KIAA0232: variants seen among roughly 807,000 people sequenced by gnomAD.
The protein encoded by KIAA0232 is uncharacterized protein KIAA0232.
KIAA0232 carries 27 observed loss-of-function variants against 122.0 expected under a neutral mutation model. That is an observed-to-expected ratio of 0.22 (90% CI 0.16 to 0.31). The LOEUF (loss-of-function observed/expected upper bound fraction) is 0.31. Ranked by LOEUF, KIAA0232 falls within the 10% of genes least tolerant of loss-of-function variation. The probability of loss-of-function intolerance (pLI) is 1.00; values close to 1 mark genes in which losing one functional copy is unlikely to be tolerated. For synonymous variants in KIAA0232, 613 were observed against 587.6 expected (o/e 1.04, Z -0.63); for missense variants, 1,551 against 1,634.2 (o/e 0.95, Z 0.88).
Position 6,817,111 on chromosome 4 carries a change from C to G in KIAA0232, c.-269-7074C>G, listed in dbSNP as rs182993473. ...TTAGGCTTCGTTTGCTCTTCTTTGT[C>G]TAGTTTCTTAAGGTGAAAACTGAGA... On this transcript the variant is annotated intron_variant, in intron 2 of 9. Coordinates refer to ENST00000307659, the MANE Select transcript of KIAA0232 (RefSeq NM_014743.3). 1.4e-3 allele frequency among the ~76,000 whole-genome samples: 216 copies of G among 152,190 alleles called. 2 individuals carry two copies. The highest frequency in any genetic ancestry group is 0.01 in the Middle Eastern group (3 of 294).
intron 3 of KIAA0232, among the ~76,000 whole-genome samples, chr4:6,830,415 T>C (rs1718908394): frequency 6.8e-6 from 1 of 147,346 alleles, no homozygotes; most frequent in South Asian, 2.2e-4. Context: ...TTTTTTTTTT[T>C]TTTTTTTTTT....
chr4:6,870,482 C>T (rs141939686), intron 7 of KIAA0232, among the ~76,000 whole-genome samples: 49 of 152,334 alleles, frequency 3.2e-4, no homozygotes, highest in Non-Finnish European at 5.1e-4. Context: ...AATTTTAAGA[C>T]ACTTAGGTCA....
chr4:6,797,433 A>G (rs1210803994), intron 1 of KIAA0232, among the ~76,000 whole-genome samples: 2 of 152,208 alleles, frequency 1.3e-5, no homozygotes, highest in Admixed American at 1.3e-4. Flanking sequence ...AGGATATGAT[A>G]TGCTAAATGC....
At chr4:6,852,556 C>G (rs545624181) in intron 4 of KIAA0232, among the ~76,000 whole-genome samples, 1 of 152,106 alleles carries the variant, frequency 6.6e-6, no homozygotes, top group African/African-American at 2.4e-5. Flanking sequence ...AGACTAAGAT[C>G]TGAAAAACTG....
chr4:6,838,789 G>A (rs972104047), intron 3 of KIAA0232, among the ~76,000 whole-genome samples: 3 of 129,704 alleles, frequency 2.3e-5, no homozygotes, highest in Non-Finnish European at 4.7e-5. Flanking sequence ...AAGGTTGCTT[G>A]AAGCTAATAC....
chr4:6,796,724 T>C (rs549000306), intron 1 of KIAA0232, among the ~76,000 whole-genome samples: 22 of 152,252 alleles, frequency 1.4e-4, no homozygotes, highest in Admixed American at 2.6e-4. Flanking sequence ...TTCTTTCAGC[T>C]TGTAATCTTC....
chr4:6,867,326 G>A (rs950235203), intron 7 of KIAA0232, among the ~76,000 whole-genome samples: 1 of 152,168 alleles, frequency 6.6e-6, no homozygotes, highest in Non-Finnish European at 1.5e-5. Flanking sequence ...GTAGAAGGAC[G>A]GAGGCAGGGC....
intron 4 of KIAA0232, among the ~76,000 whole-genome samples, chr4:6,852,181 A>G (rs1174915394): frequency 2.0e-5 from 3 of 152,000 alleles, no homozygotes; most frequent in Non-Finnish European, 4.4e-5. Flanking sequence ...AGACAGGCCA[A>G]TTTTTTTAGA....
rs10714574 is a variant in KIAA0232 at position 6,830,403 on chromosome 4, C to CTT, written c.231+5741_231+5742dup. Among the ~76,000 whole-genome samples the CTT allele has an allele frequency of 2.8e-3, 208 of 75,516 alleles. 3 individuals carry two copies. Among genetic ancestry groups the CTT allele is most frequent in the African/African-American group, 5.3e-3 (112 of 21,128 alleles). The allele number at this position is 75,516 out of a possible 152,430, so 49.5% of individuals were successfully genotyped here. A position where few individuals can be genotyped will look rare whatever the true frequency, so the allele number is the denominator to read the frequency against. ...TCTTTTAGCTTGCCTTCTCTGTTGT[C>CTT]TTTTTTTTTTTTTTTTTTTTTTTGA... On this transcript the variant is annotated intron_variant, in intron 3 of 9. Coordinates refer to ENST00000307659, the MANE Select transcript of KIAA0232 (RefSeq NM_014743.3).
intron 7 of KIAA0232, among the ~76,000 whole-genome samples, chr4:6,870,972 G>T (rs1403377851): frequency 6.6e-6 from 1 of 152,348 alleles, no homozygotes; most frequent in South Asian, 2.1e-4. Context: ...CTAGAAGTTT[G>T]CCTTGCTTGG....
intron 2 of KIAA0232, among the ~76,000 whole-genome samples, chr4:6,816,015 A>G (rs1166291072): frequency 6.6e-6 from 1 of 152,234 alleles, no homozygotes; most frequent in East Asian, 1.9e-4. Context: ...TAAAGTAAAC[A>G]TAATAAAACT....
In KIAA0232 at chr4:6,861,141, C is replaced by T. The variant is rs763661082; in HGVS notation, c.759C>T (p.Asn253=). 3.1e-6 allele frequency: 5 copies of T among 1,613,948 alleles called. No individual in the cohort carries two copies. Among genetic ancestry groups the T allele is most frequent in the East Asian group, 2.2e-5 (1 of 44,894 alleles). The stretch of plus-strand genomic sequence containing the variant: ...AGAAAACCCAGAGCAAAAGCAAAAA[C>T]GAGAAGGAAAACAAATTTAGTAATG... ...VHEKTQSKSK[N]EKENKFSNGT... Residue 253 remains asparagine (N), a synonymous_variant, in exon 7 of 10, where the codon AAC becomes AAT. Transcript: ENST00000307659.
chr4:6,809,962 C>G (rs902704445), intron 2 of KIAA0232, among the ~76,000 whole-genome samples: 10 of 152,242 alleles, frequency 6.6e-5, no homozygotes, highest in African/African-American at 2.2e-4. Flanking sequence ...ATCCAATGCT[C>G]ATGGATTGGA....
intron 1 of KIAA0232, among the ~76,000 whole-genome samples, chr4:6,783,590 C>G (rs1485131483): frequency 6.6e-6 from 1 of 151,894 alleles, no homozygotes; most frequent in Non-Finnish European, 1.5e-5. Context: ...CTTTTGGGGC[C>G]CCGGGAAGGG....
chr4:6,816,794 C>T (rs999740312), intron 2 of KIAA0232, among the ~76,000 whole-genome samples: 2 of 152,088 alleles, frequency 1.3e-5, no homozygotes, highest in Admixed American at 1.3e-4. Flanking sequence ...TAGGACTGTT[C>T]ATTCTGTTTC....
At chr4:6,873,083 G>A (rs1721578718) in intron 8 of KIAA0232, among the ~76,000 whole-genome samples, 1 of 152,210 alleles carries the variant, frequency 6.6e-6, no homozygotes, top group Admixed American at 6.5e-5. Flanking sequence ...CCTACCATTA[G>A]CTCATATCTG....
At position 6,882,065 on chromosome 4, in the gene KIAA0232, T is replaced by A. The variant is rs1722100469; in HGVS notation, c.*1099T>A. ...TTTGCTGACTGTCGCTCCGTGGGAC[T>A]GGCTCCCGTTTCTCCTTGGTGAGCC... is the stretch of plus-strand genomic sequence containing the variant. On this transcript the variant is annotated 3_prime_UTR_variant, in exon 10 of 10. Coordinates refer to ENST00000307659, the MANE Select transcript of KIAA0232 (RefSeq NM_014743.3). 1 of 152,646 alleles carries A rather than the reference T, an allele frequency of 6.6e-6. No individual in the cohort carries two copies. The highest frequency in any genetic ancestry group is 1.9e-4 in the East Asian group (1 of 5,200). 9.5% of individuals were successfully genotyped at this position (152,646 alleles called of 1,614,324 possible). A position where few individuals can be genotyped will look rare whatever the true frequency, so the allele number is the denominator to read the frequency against.
intron 6 of KIAA0232, among the ~76,000 whole-genome samples, chr4:6,860,402 A>G (rs75892298): frequency 2.6e-3 from 396 of 152,314 alleles, no homozygotes; most frequent in African/African-American, 9.1e-3. Flanking sequence ...ACTGATTGCT[A>G]CCGAGCTTTT....
chr4:6,880,528 A>G (rs1380670842), intron 9 of KIAA0232, among the ~76,000 whole-genome samples: 2 of 152,236 alleles, frequency 1.3e-5, no homozygotes, highest in Non-Finnish European at 2.9e-5. Context: ...GACTTTGAAA[A>G]TGAAATAATT....
Sources: allele counts gnomAD v4.1 joint callset (sites outside exome capture counted in the v4.1 genomes callset), GRCh38; gene constraint gnomAD v4.1.1; transcripts MANE v1.5; gene names NCBI Gene and HGNC (gene_info 2026-07-23, HGNC 2026-07-21).